Variants in FARSB observed in about 807,000 individuals in gnomAD.
FARSB encodes phenylalanyl-tRNA synthetase subunit beta, also known as phenylalanine--tRNA ligase beta subunit.
In FARSB, 40 loss-of-function variants were observed where a neutral mutation model predicts 69.6. The observed-to-expected ratio is 0.57, with a 90% CI of 0.45 to 0.75. FARSB has a LOEUF of 0.75. FARSB is among the 30% of genes least tolerant of loss of function. FARSB has a pLI of 0.00. For synonymous variants in FARSB, 235 were observed against 247.2 expected (o/e 0.95, Z 0.46); for missense variants, 632 against 722.9 (o/e 0.87, Z 1.44).
chr2:222,605,712 G>C (rs1445935178), intron 15 of FARSB, among the ~76,000 whole-genome samples: 1 of 151,928 alleles, frequency 6.6e-6, no homozygotes. Context: ...GAGCCCAGGA[G>C]TTTCAGACCA....
intron 14 of FARSB, among the ~76,000 whole-genome samples, chr2:222,614,682 A>G (rs1369496122): frequency 6.6e-6 from 1 of 152,172 alleles, no homozygotes; most frequent in Non-Finnish European, 1.5e-5. Context: ...CCACCTCCAC[A>G]GATTTAAAAA....
Position 222,623,697 on chromosome 2 carries a change from G to A in FARSB, c.1204C>T (p.His402Tyr), listed in dbSNP as rs766510560. Residue 402 changes from histidine (H) to tyrosine (Y), a missense_variant, in exon 13 of 17, where the codon CAT becomes TAT. Transcript: ENST00000281828. The stretch of plus-strand genomic sequence containing the variant: ...GTGAAGCCAGCGGCTGCCATGTCAT[G>A]TCGGAGAAGTTCAGTGAGCTTATTA... ...PLNKLTELLR[H>Y]DMAAAGFTEA... 2 of 1,611,806 alleles carry A rather than the reference G, an allele frequency of 1.2e-6. No homozygotes were observed. The highest frequency in any genetic ancestry group is 1.7e-6 in the Non-Finnish European group (2 of 1,177,992).
At chr2:222,594,093 C>CAAAAAAA (rs33937937) in intron 16 of FARSB, among the ~76,000 whole-genome samples, 2 of 51,574 alleles carry the variant, frequency 3.9e-5, no homozygotes, top group African/African-American at 1.0e-4. Context: ...CCCGCCTCTA[C>CAAAAAAA]AAAAAAAAAA....
intron 15 of FARSB, among the ~76,000 whole-genome samples, chr2:222,601,267 G>GT (rs895866510): frequency 1.1e-4 from 17 of 152,060 alleles, no homozygotes; most frequent in African/African-American, 4.1e-4. Flanking sequence ...GCTCTCATAT[G>GT]TTTTTTACCA....
chr2:222,581,201 GCCT>G (rs1381194405), intron 16 of FARSB, among the ~76,000 whole-genome samples: 1 of 152,152 alleles, frequency 6.6e-6, no homozygotes, highest in African/African-American at 2.4e-5. Flanking sequence ...AAGTTAACGG[GCCT>G]CCTGTCATTT....
intron 2 of FARSB, among the ~76,000 whole-genome samples, chr2:222,643,813 T>G (rs1352279972): frequency 6.6e-6 from 1 of 152,234 alleles, no homozygotes. Context: ...TCACGTTTAA[T>G]GCAGTGGCAA....
chr2:222,584,344 A>G (rs183572393), intron 16 of FARSB, among the ~76,000 whole-genome samples: 2 of 152,344 alleles, frequency 1.3e-5, no homozygotes, highest in East Asian at 3.9e-4. Flanking sequence ...TTCCCCCCAA[A>G]AAAGTTTTAA....
At chr2:222,620,066 G>C (rs1457630696) in intron 13 of FARSB, among the ~76,000 whole-genome samples, 1 of 151,866 alleles carries the variant, frequency 6.6e-6, no homozygotes, top group Non-Finnish European at 1.5e-5. Context: ...AACTGTACTC[G>C]GGCCCTTCCT....
At chr2:222,615,695 A>G (rs1373490037) in intron 14 of FARSB, among the ~76,000 whole-genome samples, 1 of 152,228 alleles carries the variant, frequency 6.6e-6, no homozygotes, top group South Asian at 2.1e-4. Flanking sequence ...AAACACAGAC[A>G]CTCTTAGATC....
rs145146634 is a variant in FARSB at position 222,600,112 on chromosome 2, G to A, written c.1463-29C>T. On this transcript the variant is annotated intron_variant, in intron 15 of 16. Transcript: ENST00000281828. ...GAAAAATAAAGGAACTGGTCACAAC[G>A]CTGTATTAACCATTGCTTAAGAAAC... 1,129 of 1,578,458 alleles carry A rather than the reference G, an allele frequency of 7.2e-4. 12 individuals are homozygous for A. The Admixed American group carries it at 0.018, about 26-fold the overall frequency.
chr2:222,648,345 G>A (rs926974153), intron 2 of FARSB, among the ~76,000 whole-genome samples: 21 of 152,212 alleles, frequency 1.4e-4, no homozygotes, highest in African/African-American at 4.6e-4. Context: ...TATGGGGGCA[G>A]AGGAGCTGAA....
intron 16 of FARSB, among the ~76,000 whole-genome samples, chr2:222,581,164 G>A (rs1451609168): frequency 6.6e-6 from 1 of 152,140 alleles, no homozygotes; most frequent in Non-Finnish European, 1.5e-5. Context: ...ATTGGTCAAA[G>A]TAAAAACCAC....
intron 1 of FARSB, among the ~76,000 whole-genome samples, chr2:222,654,252 G>A (rs990965731): frequency 4.6e-5 from 7 of 152,102 alleles, no homozygotes; most frequent in Admixed American, 2.6e-4. Context: ...GTGCAGACAT[G>A]ATGTCACAAG....
chr2:222,654,634 G>C (rs1574960932), intron 1 of FARSB, among the ~76,000 whole-genome samples: 1 of 152,220 alleles, frequency 6.6e-6, no homozygotes. Flanking sequence ...CAAAGGGTAA[G>C]AGTAATACAA....
intron 3 of FARSB, 80 bp from the exon 4 acceptor site, chr2:222,641,011 G>A (rs989592975): frequency 1.7e-6 from 1 of 593,386 alleles, no homozygotes; most frequent in Non-Finnish European, 2.7e-6. Context: ...CTGTATATAG[G>A]AAGTATACAA....
intron 3 of FARSB, 48 bp downstream of exon 3, chr2:222,642,803 A>G: frequency 1.4e-6 from 2 of 1,435,046 alleles, no homozygotes; most frequent in Non-Finnish European, 1.9e-6. Context: ...ACAAGGAAAG[A>G]AAAGAAAACC....
intron 16 of FARSB, among the ~76,000 whole-genome samples, chr2:222,582,098 T>G (rs1475012095): frequency 6.6e-6 from 1 of 152,196 alleles, no homozygotes; most frequent in Non-Finnish European, 1.5e-5. Context: ...TACAGTGGCA[T>G]TACCAAATAA....
At chr2:222,631,941 G>T (rs534486640) in intron 7 of FARSB, among the ~76,000 whole-genome samples, 1 of 152,006 alleles carries the variant, frequency 6.6e-6, no homozygotes, top group Non-Finnish European at 1.5e-5. Flanking sequence ...GCGTGGTGGC[G>T]CATGCCTGTA....
At chr2:222,600,666 G>A (rs1559197551) in intron 15 of FARSB, among the ~76,000 whole-genome samples, 2 of 152,028 alleles carry the variant, frequency 1.3e-5, no homozygotes, top group East Asian at 1.9e-4. Flanking sequence ...AGACCACAAG[G>A]TTCAAAAAGA....
Sources: gnomAD v4.1 joint callset for allele counts (sites outside exome capture counted in the v4.1 genomes callset) on GRCh38, gnomAD v4.1.1 for gene constraint, MANE v1.5 for transcripts, NCBI Gene and HGNC (gene_info 2026-07-23, HGNC 2026-07-21) for gene names.